The following KAT2B variants were observed in gnomAD, a reference collection of about 807,000 sequenced individuals.
The protein encoded by KAT2B is histone acetyltransferase KAT2B.
A neutral mutation model predicts 105.9 loss-of-function variants in KAT2B; 36 were observed. The observed-to-expected ratio is 0.34, with a 90% CI of 0.26 to 0.45. KAT2B has a LOEUF of 0.45. Ranked by LOEUF, KAT2B falls within the 20% of genes least tolerant of loss-of-function variation. The pLI is 1.00. For missense variants in KAT2B, 820 were observed against 1,021.6 expected, an observed-to-expected ratio of 0.80 and a Z score of 2.69; for synonymous variants, 397 against 377.9, an observed-to-expected ratio of 1.05 and a Z score of -0.59.
At chr3:20,054,934 C>G (rs1265627856) in intron 1 of KAT2B, among the ~76,000 whole-genome samples, 1 of 152,132 alleles carries the variant, frequency 6.6e-6, no homozygotes, top group East Asian at 1.9e-4. Context: ...GCAAAAGCCA[C>G]AAGGAGCCCT....
At chr3:20,056,009 T>C (rs887719078) in intron 1 of KAT2B, among the ~76,000 whole-genome samples, 2 of 152,238 alleles carry the variant, frequency 1.3e-5, no homozygotes, top group Non-Finnish European at 2.9e-5. Context: ...TGTATGGACG[T>C]ACTAGTTTGT....
At chr3:20,063,534 C>CTTTTTTTTTTT (rs36058009) in intron 1 of KAT2B, among the ~76,000 whole-genome samples, 4 of 88,822 alleles carry the variant, frequency 4.5e-5, no homozygotes, top group Non-Finnish European at 8.8e-5. Flanking sequence ...GAGTAGGCCT[C>CTTTTTTTTTTT]TTTTTTTTTT....
At chr3:20,124,389 G>A (rs980995875) in intron 9 of KAT2B, among the ~76,000 whole-genome samples, 1 of 152,196 alleles carries the variant, frequency 6.6e-6, no homozygotes, top group African/African-American at 2.4e-5. Context: ...GCAGGGTGAA[G>A]TGGGAGCAGG....
intron 1 of KAT2B, among the ~76,000 whole-genome samples, chr3:20,046,383 A>G (rs746611755): frequency 3.3e-5 from 5 of 152,166 alleles, no homozygotes; most frequent in Non-Finnish European, 7.3e-5. Flanking sequence ...CGAGTTCGAG[A>G]CCAGCCTGGG....
At chr3:20,071,505 G>A (rs549362567) in intron 1 of KAT2B, among the ~76,000 whole-genome samples, 17 of 152,334 alleles carry the variant, frequency 1.1e-4, no homozygotes, top group African/African-American at 3.6e-4. Context: ...CCTTTCATAC[G>A]TTGAGACCTG....
intron 11 of KAT2B, among the ~76,000 whole-genome samples, chr3:20,128,986 A>C (rs1699459621): frequency 6.9e-6 from 1 of 145,502 alleles, no homozygotes; most frequent in Admixed American, 7.3e-5. Flanking sequence ...CAGCCTGGGC[A>C]ATGAGAGCGA....
At chr3:20,135,996 T>G (rs1229966769) in intron 11 of KAT2B, among the ~76,000 whole-genome samples, 1 of 152,162 alleles carries the variant, frequency 6.6e-6, no homozygotes, top group Non-Finnish European at 1.5e-5. Flanking sequence ...TCTAGCAGAT[T>G]GCCTTTTCAT....
intron 8 of KAT2B, 126 bp downstream of exon 8, chr3:20,119,849 A>T: frequency 2.0e-6 from 2 of 1,001,076 alleles, no homozygotes; most frequent in Non-Finnish European, 2.9e-6. Context: ...AACAGCTAGA[A>T]ATAACTTTGT....
intron 1 of KAT2B, among the ~76,000 whole-genome samples, chr3:20,054,701 C>A (rs1349566375): frequency 6.6e-6 from 1 of 152,198 alleles, no homozygotes; most frequent in East Asian, 1.9e-4. Context: ...TTGATGGTGG[C>A]AGTGCCAATT....
At chr3:20,041,471 G>C (rs1697718209) in intron 1 of KAT2B, among the ~76,000 whole-genome samples, 1 of 152,210 alleles carries the variant, frequency 6.6e-6, no homozygotes, top group Non-Finnish European at 1.5e-5. Context: ...CAAAGTGACA[G>C]CCCAGCGCGG....
intron 1 of KAT2B, among the ~76,000 whole-genome samples, chr3:20,042,217 A>G (rs1283729417): frequency 1.3e-5 from 2 of 152,214 alleles, no homozygotes; most frequent in African/African-American, 4.8e-5. Flanking sequence ...CCTGGACAAT[A>G]TATTATTTGT....
At chr3:20,047,306 A>G (rs187142334) in intron 1 of KAT2B, among the ~76,000 whole-genome samples, 55 of 152,266 alleles carry the variant, frequency 3.6e-4, no homozygotes, top group African/African-American at 1.3e-3. Context: ...TCCTGGGCTC[A>G]AGCAATTGGC....
chr3:20,143,362 A>G (rs1465460735), intron 13 of KAT2B, among the ~76,000 whole-genome samples: 1 of 152,168 alleles, frequency 6.6e-6, no homozygotes, highest in Non-Finnish European at 1.5e-5. Context: ...AATGGCTATT[A>G]TTAAGAAGTT....
intron 1 of KAT2B, among the ~76,000 whole-genome samples, chr3:20,062,284 TATAATATATAATATATAAAATATA>T (rs1698144481): frequency 1.9e-5 from 1 of 53,658 alleles, no homozygotes; most frequent in Non-Finnish European, 4.4e-5. Context: ...ATATATAAAA[TATAATATATAATATATAAAATATA>T]ATATATATAA....
chr3:20,059,467 C>G (rs776599229), intron 1 of KAT2B, among the ~76,000 whole-genome samples: 2 of 148,368 alleles, frequency 1.3e-5, no homozygotes, highest in Non-Finnish European at 3.0e-5. Flanking sequence ...CTTGTAATCC[C>G]AGCACTTTGG....
intron 7 of KAT2B, among the ~76,000 whole-genome samples, chr3:20,116,444 A>T (rs900375450): frequency 1.3e-5 from 2 of 152,122 alleles, no homozygotes; most frequent in African/African-American, 4.8e-5. Context: ...GGAATCACCC[A>T]TGGAATTTGA....
At chr3:20,149,495 C>CAAAAAAAAAAAAAAAAAAAAAATA (rs1699834240) in intron 17 of KAT2B, among the ~76,000 whole-genome samples, 1 of 42,448 alleles carries the variant, frequency 2.4e-5, no homozygotes, top group Non-Finnish European at 3.8e-5. Flanking sequence ...GACCGTATCT[C>CAAAAAAAAAAAAAAAAAAAAAATA]AAAAAAAAAA....
intron 2 of KAT2B, among the ~76,000 whole-genome samples, chr3:20,074,357 A>G (rs536874147): frequency 1.3e-5 from 2 of 152,306 alleles, no homozygotes; most frequent in South Asian, 4.1e-4. Flanking sequence ...TTCAAATCCT[A>G]ACTCTATAAC....
At chr3:20,134,131 T>C (rs1699559821) in intron 11 of KAT2B, among the ~76,000 whole-genome samples, 1 of 152,208 alleles carries the variant, frequency 6.6e-6, no homozygotes, top group Non-Finnish European at 1.5e-5. Flanking sequence ...TAATCAGTCT[T>C]TTACTTCATG....
Sources: gnomAD v4.1 joint callset for allele counts (sites outside exome capture counted in the v4.1 genomes callset) on GRCh38, gnomAD v4.1.1 for gene constraint, MANE v1.5 for transcripts, NCBI Gene and HGNC (gene_info 2026-07-23, HGNC 2026-07-21) for gene names.